Variants in PCDH17 observed in about 807,000 individuals in gnomAD.
The protein encoded by PCDH17 is protocadherin-17.
A neutral mutation model predicts 67.7 loss-of-function variants in PCDH17; 21 were observed. The observed-to-expected ratio is 0.31, with a 90% CI of 0.22 to 0.45. The LOEUF (loss-of-function observed/expected upper bound fraction) is 0.45, where lower values mean the gene tolerates loss of function less well. Ranked by LOEUF, PCDH17 falls within the 20% of genes least tolerant of loss-of-function variation. The pLI is 1.00. For missense variants in PCDH17, 1,471 were observed against 1,564.8 expected, an observed-to-expected ratio of 0.94 and a Z score of 1.01; for synonymous variants, 701 against 656.7, an observed-to-expected ratio of 1.07 and a Z score of -1.03.
At chr13:57,713,233 T>C (rs1387966994) in intron 3 of PCDH17, among the ~76,000 whole-genome samples, 2 of 151,724 alleles carry the variant, frequency 1.3e-5, no homozygotes, top group Non-Finnish European at 3.0e-5. Context: ...AAAAACGGCT[T>C]GTCATTGCCA....
At chr13:57,680,446 G>A (rs12853351) in intron 3 of PCDH17, among the ~76,000 whole-genome samples, 11,335 of 151,558 alleles carry the variant, frequency 0.075, 620 homozygotes, top group African/African-American at 0.13. Flanking sequence ...AGATAAACTG[G>A]ACCAAAAGAA....
At chr13:57,692,033 T>A (rs2138063001) in intron 3 of PCDH17, among the ~76,000 whole-genome samples, 1 of 151,300 alleles carries the variant, frequency 6.6e-6, no homozygotes, top group Non-Finnish European at 1.5e-5. Context: ...GAACAGGAAG[T>A]TAAAATGCTT....
At position 57,728,917 on chromosome 13, in the gene PCDH17, G is replaced by T. The variant is rs1955933615; in HGVS notation, c.*3623G>T. 6.6e-6 allele frequency: 1 copy of T among 152,408 alleles called. No individual in the cohort carries two copies. The allele number at this position is 152,408 out of a possible 1,614,324, so 9.4% of individuals were successfully genotyped here. ...TAAAAGCTGTTTGTTATCTAATAGA[G>T]TAAAAGTTACTGAGGTCAACAGATA... On this transcript the variant is annotated 3_prime_UTR_variant, in exon 4 of 4. Coordinates refer to ENST00000377918, the MANE Select transcript of PCDH17 (RefSeq NM_001040429.3).
At chr13:57,699,597 C>G (rs941880926) in intron 3 of PCDH17, among the ~76,000 whole-genome samples, 1 of 151,296 alleles carries the variant, frequency 6.6e-6, no homozygotes, top group Non-Finnish European at 1.5e-5. Flanking sequence ...TTTTTTTTTA[C>G]AAGGCGTGTT....
chr13:57,676,233 A>G (rs1955390114), intron 3 of PCDH17, among the ~76,000 whole-genome samples: 1 of 151,906 alleles, frequency 6.6e-6, no homozygotes, highest in Non-Finnish European at 1.5e-5. Context: ...AAAAAAACAA[A>G]AAAACAACTT....
intron 3 of PCDH17, among the ~76,000 whole-genome samples, chr13:57,698,176 A>G (rs1222572444): frequency 2.0e-5 from 3 of 151,522 alleles, no homozygotes; most frequent in Non-Finnish European, 4.4e-5. Flanking sequence ...GATTAAATTG[A>G]TTCATTTATA....
chr13:57,641,406 A>G (rs1954890980), intron 1 of PCDH17, among the ~76,000 whole-genome samples: 1 of 150,112 alleles, frequency 6.7e-6, no homozygotes, highest in Admixed American at 6.7e-5. Flanking sequence ...AATATATTTA[A>G]GGTAAAGCAA....
At chr13:57,704,635 ATTTGAAACAGTGACAAGGGATAATT>A (rs1955701351) in intron 3 of PCDH17, among the ~76,000 whole-genome samples, 1 of 151,680 alleles carries the variant, frequency 6.6e-6, no homozygotes, top group Non-Finnish European at 1.5e-5. Flanking sequence ...GGAAGCCATT[ATTTGAAACAGTGACAAGGGATAATT>A]TGCTATGCTA....
At position 57,634,244 on chromosome 13, in the gene PCDH17, C is replaced by T; in HGVS notation, c.1698C>T (p.Asn566=). The change falls in exon 1 of 4, where the codon AAC becomes AAT. Residue 566 remains asparagine, a synonymous_variant. Transcript: ENST00000377918. The surrounding 1 kb of genome is among the most constrained non-coding windows in gnomAD (Gnocchi z 7.8). Reference sequence around the variant, plus strand: ...GGGCGCCCGCGCACTTGGAGAGCAACGCCACGGTGAGGGTGACAGTGCTAG... The same window carrying T: ...GGGCGCCCGCGCACTTGGAGAGCAATGCCACGGTGAGGGTGACAGTGCTAG... ...DSGAPAHLES[N]ATVRVTVLDV... 6.2e-7 allele frequency: 1 copy of T among 1,613,256 alleles called. No homozygotes were observed. Among genetic ancestry groups the T allele is most frequent in the African/African-American group, 1.3e-5 (1 of 75,040 alleles).
chr13:57,656,514 A>G (rs1228678578), intron 1 of PCDH17, among the ~76,000 whole-genome samples: 5 of 151,902 alleles, frequency 3.3e-5, no homozygotes, highest in Non-Finnish European at 7.4e-5. Context: ...AAGCTATTTC[A>G]GAAATGTAAT....
intron 1 of PCDH17, among the ~76,000 whole-genome samples, chr13:57,664,313 C>T (rs1358318407): frequency 6.6e-6 from 1 of 152,034 alleles, no homozygotes; most frequent in East Asian, 1.9e-4. Context: ...GTACCGTTGC[C>T]CAGAGTTCAT....
intron 1 of PCDH17, among the ~76,000 whole-genome samples, chr13:57,655,546 A>G (rs1195996133): frequency 6.6e-6 from 1 of 151,986 alleles, no homozygotes; most frequent in African/African-American, 2.4e-5. Context: ...TTTCTTTTGC[A>G]TTTAAAAAGG....
intron 3 of PCDH17, among the ~76,000 whole-genome samples, chr13:57,671,353 T>A (rs1955319777): frequency 6.6e-6 from 1 of 151,790 alleles, no homozygotes; most frequent in Non-Finnish European, 1.5e-5. Context: ...TGGAAGAAGA[T>A]AAACTGATTT....
Position 57,678,372 on chromosome 13 carries a change from G to A in PCDH17, c.2797+11539G>A, listed in dbSNP as rs545962187. ...AGAAAACTGAGTATCAATATACTGA[G>A]GCAGTTGATCCAGTTAGGAGGAAAT... On this transcript the variant is annotated intron_variant, in intron 3 of 3. Coordinates refer to ENST00000377918, the MANE Select transcript of PCDH17 (RefSeq NM_001040429.3). 2.6e-5 allele frequency among the ~76,000 whole-genome samples: 4 copies of A among 151,518 alleles called. No individual in the cohort carries two copies. The South Asian group carries it at 8.3e-4, about 31-fold the overall frequency.
intron 3 of PCDH17, among the ~76,000 whole-genome samples, chr13:57,710,999 T>C (rs1445664261): frequency 6.6e-6 from 1 of 151,804 alleles, no homozygotes; most frequent in Non-Finnish European, 1.5e-5. Context: ...CACACACACA[T>C]ATGTAAGGTC....
At chr13:57,653,872 G>A (rs1031963506) in intron 1 of PCDH17, among the ~76,000 whole-genome samples, 5 of 151,988 alleles carry the variant, frequency 3.3e-5, no homozygotes, top group South Asian at 2.1e-4. Context: ...TACTGTTTCC[G>A]CAGTTTTAAG....
At chr13:57,667,893 AT>A (rs953427168) in intron 3 of PCDH17, among the ~76,000 whole-genome samples, 5 of 148,226 alleles carry the variant, frequency 3.4e-5, no homozygotes, top group African/African-American at 1.2e-4. Context: ...ATTTATATAT[AT>A]TTTTTAAAAC....
At chr13:57,661,551 G>T (rs1364402107) in intron 1 of PCDH17, among the ~76,000 whole-genome samples, 3 of 151,928 alleles carry the variant, frequency 2.0e-5, no homozygotes, top group Non-Finnish European at 4.4e-5. Context: ...AAGATTTTCT[G>T]CTAAGTTTTC....
At chr13:57,665,848 A>G (rs1233817975) in intron 1 of PCDH17, among the ~76,000 whole-genome samples, 1 of 152,150 alleles carries the variant, frequency 6.6e-6, no homozygotes, top group African/African-American at 2.4e-5. Flanking sequence ...TTTGTTTTTA[A>G]TAACTAGGAA....
Sources: gnomAD v4.1 joint callset for allele counts (sites outside exome capture counted in the v4.1 genomes callset) on GRCh38, gnomAD v4.1.1 for gene constraint, Gnocchi (gnomAD v3.1) non-coding constraint, MANE v1.5 for transcripts, NCBI Gene and HGNC (gene_info 2026-07-23, HGNC 2026-07-21) for gene names.